The following ROBO2 variants were observed in gnomAD, a reference collection of about 807,000 sequenced individuals.
ROBO2 encodes roundabout homolog 2.
A neutral mutation model predicts 160.8 loss-of-function variants in ROBO2; 53 were observed. That is an observed-to-expected ratio of 0.33 (90% CI 0.26 to 0.41). ROBO2 has a LOEUF of 0.41. Ranked by LOEUF, ROBO2 falls within the 10% of genes least tolerant of loss-of-function variation. The pLI is 1.00. For missense variants in ROBO2, 1,577 were observed against 1,722.4 expected, an observed-to-expected ratio of 0.92 and a Z score of 1.49; for synonymous variants, 664 against 611.7, an observed-to-expected ratio of 1.09 and a Z score of -1.26.
At chr3:76,565,491 G>C (rs890215169) in intron 2 of ROBO2, among the ~76,000 whole-genome samples, 1 of 152,196 alleles carries the variant, frequency 6.6e-6, no homozygotes, top group Non-Finnish European at 1.5e-5. Context: ...TAGTAAAACT[G>C]TCTGTCGTAC....
At chr3:76,634,574 A>AG (rs143461721) in intron 2 of ROBO2, among the ~76,000 whole-genome samples, 48,914 of 112,428 alleles carry the variant, frequency 0.44, 8,689 homozygotes, top group South Asian at 0.51. Flanking sequence ...TCTCAAAGAG[A>AG]AAAAAAAAAA....
chr3:76,580,342 G>GTTTTTTTTTTGTTTTTTTTTTTGTT (rs2085604163), intron 2 of ROBO2, among the ~76,000 whole-genome samples: 1 of 90,562 alleles, frequency 1.1e-5, no homozygotes, highest in Non-Finnish European at 2.1e-5. Flanking sequence ...TTTTTTTTGT[G>GTTTTTTTTTTGTTTTTTTTTTTGTT]TTTTTTTTTT....
At chr3:76,686,577 G>A (rs1156639390) in intron 2 of ROBO2, among the ~76,000 whole-genome samples, 1 of 152,056 alleles carries the variant, frequency 6.6e-6, no homozygotes, top group African/African-American at 2.4e-5. Flanking sequence ...AAGTCCATGA[G>A]GAGACTTGCA....
intron 2 of ROBO2, among the ~76,000 whole-genome samples, chr3:77,139,295 A>G (rs1046209404): frequency 2.0e-4 from 31 of 152,316 alleles, no homozygotes; most frequent in African/African-American, 7.5e-4. Context: ...TTATACCTCC[A>G]AAATCTGAAT....
intron 2 of ROBO2, among the ~76,000 whole-genome samples, chr3:77,408,765 G>C (rs1224632430): frequency 6.6e-6 from 1 of 152,058 alleles, no homozygotes; most frequent in Non-Finnish European, 1.5e-5. Flanking sequence ...CTGTGGCACA[G>C]TCTGGATTGC....
Position 76,543,774 on chromosome 3 carries a change from G to T in ROBO2, c.110-554240G>T, listed in dbSNP as rs189652711. 3.5e-3 allele frequency among the ~76,000 whole-genome samples: 527 copies of T among 152,050 alleles called. 4 individuals carry two copies. The highest frequency in any genetic ancestry group is 4.9e-3 in the Non-Finnish European group (334 of 67,930). Reference sequence around the variant, plus strand: ...TTAAATACTACCACATCTTCTCAGTGACAGCTGAAATATCTTTAAATCCAG... The same window carrying T: ...TTAAATACTACCACATCTTCTCAGTTACAGCTGAAATATCTTTAAATCCAG... On this transcript the variant is annotated intron_variant, in intron 2 of 26. Coordinates refer to the ROBO2 transcript ENST00000487694.
At chr3:76,150,053 C>T (rs71315343) in intron 2 of ROBO2, among the ~76,000 whole-genome samples, 1 of 113,716 alleles carries the variant, frequency 8.8e-6, no homozygotes, top group East Asian at 2.9e-4. Context: ...TAAAGCACAC[C>T]TCTGTTTAAA....
intron 2 of ROBO2, among the ~76,000 whole-genome samples, chr3:76,144,780 C>T (rs2071820182): frequency 6.6e-6 from 1 of 151,892 alleles, no homozygotes; most frequent in Admixed American, 6.6e-5. Flanking sequence ...TGGGGCTTTC[C>T]TAAAATTAGA....
intron 2 of ROBO2, among the ~76,000 whole-genome samples, chr3:76,491,297 G>A (rs552006162): frequency 1.5e-3 from 222 of 152,212 alleles, no homozygotes; most frequent in Non-Finnish European, 2.5e-3. Context: ...CACATCAGCC[G>A]TAGAGCATAT....
Position 77,291,100 on chromosome 3 carries a change from G to A in ROBO2, c.389-186314G>A, listed in dbSNP as rs534305679. Among the ~76,000 whole-genome samples, 746 of 151,742 alleles carry A rather than the reference G, an allele frequency of 4.9e-3. 1 individual carries two copies. The highest frequency in any genetic ancestry group is 0.016 in the African/African-American group (644 of 41,278). On this transcript the variant is annotated intron_variant, in intron 2 of 25. Transcript: ENST00000461745. ...CGTAAAGTAAAATTGACGGGTAAACGGGTAAGCTGAGGCTAGATCACCCCA... is the reference window on the plus strand; with the variant it reads ...CGTAAAGTAAAATTGACGGGTAAACAGGTAAGCTGAGGCTAGATCACCCCA...
At position 76,549,455 on chromosome 3, in the gene ROBO2, G is replaced by A. The variant is rs139732151; in HGVS notation, c.110-548559G>A. Among the ~76,000 whole-genome samples, 61 of 152,246 alleles carry A rather than the reference G, an allele frequency of 4.0e-4. 1 individual carries two copies. The highest frequency in any genetic ancestry group is 1.0e-4 in the Non-Finnish European group (7 of 68,022). ...GAGTCAATGCCCAGTGCAACGGCAG[G>A]GAGGAAACCATTAACTCTCCTCTGA... On this transcript the variant is annotated intron_variant, in intron 2 of 26. Coordinates refer to the ROBO2 transcript ENST00000487694.
chr3:76,905,896 T>A (rs1171459191), intron 2 of ROBO2, among the ~76,000 whole-genome samples: 1 of 152,192 alleles, frequency 6.6e-6, no homozygotes, highest in African/African-American at 2.4e-5. Context: ...TTTCCCAAGT[T>A]TAGTTCCTGG....
chr3:76,624,601 C>T (rs1049526929), intron 2 of ROBO2, among the ~76,000 whole-genome samples: 5 of 151,648 alleles, frequency 3.3e-5, no homozygotes, highest in Non-Finnish European at 7.4e-5. Flanking sequence ...GAGTTTGCCA[C>T]CAGCCTGGCC....
intron 4 of ROBO2, among the ~76,000 whole-genome samples, chr3:77,486,096 G>GC (rs2085319468): frequency 6.6e-6 from 1 of 152,172 alleles, no homozygotes. Context: ...CTGTGTCCCT[G>GC]CAAAGGACAT....
chr3:76,722,467 C>G (rs2093480988), intron 2 of ROBO2, among the ~76,000 whole-genome samples: 1 of 152,156 alleles, frequency 6.6e-6, no homozygotes, highest in South Asian at 2.1e-4. Context: ...AGTTTACCTA[C>G]CATAAAGTCC....
intron 2 of ROBO2, among the ~76,000 whole-genome samples, chr3:77,154,277 T>C (rs1189809704): frequency 6.6e-6 from 1 of 152,158 alleles, no homozygotes; most frequent in African/African-American, 2.4e-5. Flanking sequence ...CAATCAATAA[T>C]AAATAGGTAC....
At chr3:77,558,774 C>T (rs1241155116) in intron 9 of ROBO2, among the ~76,000 whole-genome samples, 17 of 152,034 alleles carry the variant, frequency 1.1e-4, no homozygotes, top group Non-Finnish European at 1.5e-5. Context: ...AATAAAATGT[C>T]TACTTCTGAA....
At chr3:76,267,297 A>C (rs923449242) in intron 2 of ROBO2, among the ~76,000 whole-genome samples, 4 of 152,176 alleles carry the variant, frequency 2.6e-5, no homozygotes, top group African/African-American at 9.6e-5. Flanking sequence ...TGCTTTTATA[A>C]ATTCAATGTG....
intron 2 of ROBO2, among the ~76,000 whole-genome samples, chr3:77,293,404 A>C (rs1233049027): frequency 1.3e-5 from 2 of 149,884 alleles, no homozygotes; most frequent in Middle Eastern, 3.4e-3. Context: ...ACATAAAGTA[A>C]AATTGATGGT....
Sources: gnomAD v4.1 joint callset for allele counts (sites outside exome capture counted in the v4.1 genomes callset) on GRCh38, gnomAD v4.1.1 for gene constraint, MANE v1.5 for transcripts, NCBI Gene and HGNC (gene_info 2026-07-23, HGNC 2026-07-21) for gene names.